The following KCNG3 variants were observed in gnomAD, a reference collection of about 807,000 sequenced individuals.
KCNG3 encodes the protein voltage-gated potassium channel regulatory subunit KCNG3.
KCNG3 carries 15 observed loss-of-function variants against 29.0 expected under a neutral mutation model. The observed-to-expected ratio is 0.52, with a 90% CI of 0.35 to 0.80. KCNG3 has a LOEUF of 0.80. KCNG3 is among the 30% of genes least tolerant of loss of function. KCNG3 has a pLI of 0.01. For synonymous variants in KCNG3, 322 were observed against 248.9 expected (o/e 1.29, Z -2.76); for missense variants, 512 against 605.7 (o/e 0.85, Z 1.62).
the KCNG3 span, among the ~76,000 whole-genome samples, chr2:42,389,693 A>G: frequency 6.6e-6 from 1 of 152,374 alleles, no homozygotes; most frequent in East Asian, 1.9e-4. Context: ...GTCAAAACTA[A>G]GAAATTTAAA....
At chr2:42,478,034 G>A (rs570678261) in intron 1 of KCNG3, among the ~76,000 whole-genome samples, 1 of 152,128 alleles carries the variant, frequency 6.6e-6, no homozygotes, top group African/African-American at 2.4e-5. Flanking sequence ...GGAGAGCCTG[G>A]AGCCTTTACC....
Position 42,444,338 on chromosome 2 carries a change from C to A in KCNG3, c.907G>T (p.Ala303Ser). The A allele has an allele frequency of 6.2e-7, 1 of 1,614,156 alleles. No individual in the cohort carries two copies. Among genetic ancestry groups the A allele is most frequent in the Non-Finnish European group, 8.5e-7 (1 of 1,180,026 alleles). The change falls in exon 2 of 2, where the codon GCC (alanine) becomes TCC (serine). Residue 303 changes from alanine (A) to serine (S), a missense_variant. By Grantham distance (99) the Ala-to-Ser change is moderately conservative. Coordinates refer to ENST00000306078, the MANE Select transcript of KCNG3 (RefSeq NM_133329.6). This position sits in a 1 kb window ranked among gnomAD's most constrained non-coding sequence, Gnocchi z 5.8. ...MMRIFWVIKL[A>S]RHFIGLQTLG... ...GTCTGAAGACCAATGAAGTGACGGG[C>A]AAGCTTAATCACCCAAAAAATCCTC...
chr2:42,402,475 C>T, the KCNG3 span, among the ~76,000 whole-genome samples: 1 of 152,138 alleles, frequency 6.6e-6, no homozygotes, highest in Non-Finnish European at 1.5e-5. Flanking sequence ...TGCTTGAGCC[C>T]ACTAGTTCAA....
the KCNG3 span, chr2:42,388,372 T>A: frequency 6.6e-6 from 1 of 152,234 alleles, no homozygotes; most frequent in African/African-American, 2.4e-5. Context: ...ACATTTATTG[T>A]TCTTTAAATA....
the KCNG3 span, among the ~76,000 whole-genome samples, chr2:42,435,675 G>C: frequency 6.6e-6 from 1 of 152,148 alleles, no homozygotes; most frequent in Non-Finnish European, 1.5e-5. Context: ...GGAAATGCAA[G>C]TCATAATCAC....
At chr2:42,453,049 T>C (rs1672801886) in intron 1 of KCNG3, among the ~76,000 whole-genome samples, 1 of 152,228 alleles carries the variant, frequency 6.6e-6, no homozygotes, top group South Asian at 2.1e-4. Context: ...CCCAAAGTGC[T>C]GAGATTACAG....
intron 1 of KCNG3, among the ~76,000 whole-genome samples, chr2:42,487,942 T>G (rs1006237092): frequency 2.0e-5 from 3 of 152,222 alleles, no homozygotes; most frequent in Admixed American, 6.5e-5. Flanking sequence ...TGGAATGATC[T>G]ACATGACACA....
At chr2:42,418,424 C>T in the KCNG3 span, among the ~76,000 whole-genome samples, 2 of 152,122 alleles carry the variant, frequency 1.3e-5, no homozygotes, top group Non-Finnish European at 2.9e-5. Flanking sequence ...CAAAAACATA[C>T]TATTAGAGAA....
intron 1 of KCNG3, among the ~76,000 whole-genome samples, chr2:42,475,371 G>C (rs1276097273): frequency 6.7e-6 from 1 of 148,444 alleles, no homozygotes; most frequent in Non-Finnish European, 1.5e-5. Flanking sequence ...TGTCGCCCAG[G>C]CTGGAGGAGT....
the KCNG3 span, among the ~76,000 whole-genome samples, chr2:42,433,102 G>A: frequency 6.6e-6 from 1 of 152,114 alleles, no homozygotes; most frequent in Non-Finnish European, 1.5e-5. Context: ...AGGCCAGGAT[G>A]TCCACTTCTA....
the KCNG3 span, among the ~76,000 whole-genome samples, chr2:42,436,963 G>A: frequency 6.6e-6 from 1 of 152,098 alleles, no homozygotes; most frequent in Non-Finnish European, 1.5e-5. Context: ...GGGATGATAG[G>A]TAACACAACA....
intron 1 of KCNG3, among the ~76,000 whole-genome samples, chr2:42,472,373 C>T (rs1235707521): frequency 6.6e-6 from 1 of 152,108 alleles, no homozygotes; most frequent in South Asian, 2.1e-4. Flanking sequence ...TGCTATATTT[C>T]GTGTACATAA....
chr2:42,474,647 ACTT>A (rs1351166737), intron 1 of KCNG3, among the ~76,000 whole-genome samples: 17 of 152,056 alleles, frequency 1.1e-4, no homozygotes, highest in African/African-American at 3.6e-4. Context: ...TTACATTGCT[ACTT>A]CTTCTCATAT....
chr2:42,473,413 G>A (rs559346095), intron 1 of KCNG3, among the ~76,000 whole-genome samples: 15 of 148,594 alleles, frequency 1.0e-4, no homozygotes, highest in African/African-American at 2.5e-4. Context: ...TCAGTGGCCC[G>A]ATCTCAGCTC....
intron 1 of KCNG3, among the ~76,000 whole-genome samples, chr2:42,465,505 T>C (rs1045468265): frequency 1.3e-5 from 2 of 152,258 alleles, no homozygotes; most frequent in Admixed American, 1.3e-4. Context: ...GAGTGAGCCA[T>C]TGTCCTCAGC....
chr2:42,400,785 T>C, the KCNG3 span, among the ~76,000 whole-genome samples: 1 of 148,698 alleles, frequency 6.7e-6, no homozygotes. Context: ...AAAAAATGGG[T>C]TTTTTTTTTC....
At chr2:42,418,575 A>G in the KCNG3 span, among the ~76,000 whole-genome samples, 5 of 152,308 alleles carry the variant, frequency 3.3e-5, no homozygotes, top group East Asian at 1.9e-4. Context: ...TAAAACTAGT[A>G]AAGAGTTTTT....
At chr2:42,408,003 G>A in the KCNG3 span, among the ~76,000 whole-genome samples, 2 of 152,214 alleles carry the variant, frequency 1.3e-5, no homozygotes, top group Non-Finnish European at 2.9e-5. Context: ...TGGTGCCCAC[G>A]CCGATCTCAG....
intron 1 of KCNG3, among the ~76,000 whole-genome samples, chr2:42,467,863 G>A (rs756494604): frequency 4.6e-5 from 7 of 151,432 alleles, no homozygotes; most frequent in Non-Finnish European, 8.8e-5. Context: ...CCTAGCTACT[G>A]GGGAGCTGAG....
Sources: allele counts gnomAD v4.1 joint callset (sites outside exome capture counted in the v4.1 genomes callset), GRCh38; gene constraint gnomAD v4.1.1; non-coding constraint Gnocchi (gnomAD v3.1); transcripts MANE v1.5; gene names NCBI Gene and HGNC (gene_info 2026-07-23, HGNC 2026-07-21).